CDK14: variants seen among roughly 807,000 people sequenced by gnomAD.
The protein encoded by CDK14 is cyclin dependent kinase 14.
A neutral mutation model predicts 60.7 loss-of-function variants in CDK14; 34 were observed. The observed-to-expected ratio is 0.56, with a 90% CI of 0.43 to 0.75. CDK14 has a LOEUF of 0.75. CDK14 is among the 30% of genes least tolerant of loss of function. CDK14 has a pLI of 0.00. For synonymous variants in CDK14, 197 were observed against 203.7 expected, an observed-to-expected ratio of 0.97 and a Z score of 0.28; for missense variants, 482 against 564.1, an observed-to-expected ratio of 0.85 and a Z score of 1.47.
At chr7:90,689,914 A>G (rs6956571) in intron 2 of CDK14, among the ~76,000 whole-genome samples, 60,442 of 151,998 alleles carry the variant, frequency 0.4, 12,592 homozygotes, top group East Asian at 0.67. Context: ...TGATGATATA[A>G]CAGGAAGGGA....
At chr7:91,021,301 G>T (rs1350678962) in intron 10 of CDK14, among the ~76,000 whole-genome samples, 1 of 152,194 alleles carries the variant, frequency 6.6e-6, no homozygotes, top group Non-Finnish European at 1.5e-5. Context: ...CTTAACCTCT[G>T]TGTCCCAGTT....
At chr7:91,031,448 A>G (rs1266626018) in intron 10 of CDK14, among the ~76,000 whole-genome samples, 3 of 152,200 alleles carry the variant, frequency 2.0e-5, no homozygotes, top group Non-Finnish European at 1.5e-5. Flanking sequence ...ATACAGCATT[A>G]TATCTTGTAT....
intron 12 of CDK14, 64 bp downstream of exon 12, chr7:91,079,544 C>T (rs1350398914): frequency 7.8e-6 from 9 of 1,158,870 alleles, no homozygotes; most frequent in Non-Finnish European, 1.2e-5. Context: ...CAACTCTTCT[C>T]ATACGTTTTT....
chr7:90,672,502 GTTTTTTTTTTTTTTTTTT>G lies in CDK14; in HGVS notation c.124-54048_124-54031del, dbSNP rs201978996. Among the ~76,000 whole-genome samples, 295 of 50,024 alleles carry G rather than the reference GTTTTTTTTTTTTTTTTTT, an allele frequency of 5.9e-3. 3 individuals carry two copies. Among genetic ancestry groups the G allele is most frequent in the African/African-American group, 0.022 (270 of 12,504 alleles). The allele number at this position is 50,024 out of a possible 152,430, so 32.8% of individuals were successfully genotyped here. A position where few individuals can be genotyped will look rare whatever the true frequency, so the allele number is the denominator to read the frequency against. The stretch of plus-strand genomic sequence containing the variant: ...CCTATGCATCAGTGCTTCTTCTTCT[GTTTTTTTTTTTTTTTTTT>G]TTTTTTTTTTTTTTTTAATAATTTG... On this transcript the variant is annotated intron_variant, in intron 2 of 14. Transcript: ENST00000380050.
chr7:90,886,583 G>A (rs1316080960), intron 6 of CDK14, among the ~76,000 whole-genome samples: 1 of 152,104 alleles, frequency 6.6e-6, no homozygotes, highest in African/African-American at 2.4e-5. Context: ...ACCTTCTAAT[G>A]GCAAATGGCA....
At chr7:90,674,220 G>A (rs922608129) in intron 2 of CDK14, among the ~76,000 whole-genome samples, 1 of 152,216 alleles carries the variant, frequency 6.6e-6, no homozygotes, top group Non-Finnish European at 1.5e-5. Context: ...AAAAAATGCA[G>A]CCTTTGAAGC....
chr7:90,947,532 A>G (rs1490082849), intron 8 of CDK14, among the ~76,000 whole-genome samples: 1 of 152,236 alleles, frequency 6.6e-6, no homozygotes, highest in African/African-American at 2.4e-5. Flanking sequence ...GATATAATAC[A>G]TTTAAAACCA....
At chr7:91,180,171 G>T (rs143710301) in intron 14 of CDK14, among the ~76,000 whole-genome samples, 106 of 152,252 alleles carry the variant, frequency 7.0e-4, no homozygotes, top group African/African-American at 2.3e-3. Context: ...CATGATTAAC[G>T]CAATCAGAGA....
At chr7:91,018,551 T>G (rs1169867408) in intron 10 of CDK14, among the ~76,000 whole-genome samples, 1 of 152,208 alleles carries the variant, frequency 6.6e-6, no homozygotes, top group African/African-American at 2.4e-5. Context: ...TGATATGGTT[T>G]GGCTGTGTGT....
chr7:90,735,408 C>T (rs536940134), intron 3 of CDK14, among the ~76,000 whole-genome samples: 2 of 152,308 alleles, frequency 1.3e-5, no homozygotes, highest in African/African-American at 4.8e-5. Context: ...AAGCTGCGCC[C>T]ACAGCCGCCC....
chr7:90,642,655 C>T (rs369006917), intron 2 of CDK14, among the ~76,000 whole-genome samples: 1 of 152,200 alleles, frequency 6.6e-6, no homozygotes, highest in Non-Finnish European at 1.5e-5. Context: ...GCTGGGATTA[C>T]AGGCCTGAGC....
intron 8 of CDK14, among the ~76,000 whole-genome samples, chr7:90,928,239 C>G (rs1451364962): frequency 6.6e-6 from 1 of 152,204 alleles, no homozygotes; most frequent in Non-Finnish European, 1.5e-5. Flanking sequence ...AGTCATTCTC[C>G]GTCCAGCTTT....
intron 2 of CDK14, among the ~76,000 whole-genome samples, chr7:90,654,027 A>G (rs899911826): frequency 5.3e-5 from 8 of 152,156 alleles, no homozygotes; most frequent in African/African-American, 1.9e-4. Context: ...ATAGGATTCT[A>G]TGGTGTGTAT....
chr7:90,958,873 A>G (rs1794512548), intron 9 of CDK14, among the ~76,000 whole-genome samples: 1 of 152,086 alleles, frequency 6.6e-6, no homozygotes, highest in Non-Finnish European at 1.5e-5. Context: ...TTGGTAGTTC[A>G]GTTAAGATTC....
chr7:91,141,608 G>GA (rs11375419), intron 14 of CDK14, among the ~76,000 whole-genome samples: 134,341 of 150,748 alleles, frequency 0.89, 60,105 homozygotes, highest in East Asian at 0.95. Context: ...AGTAAGGTCA[G>GA]AAAAAAAAAG....
chr7:90,709,644 T>C, intron 2 of CDK14: 1 of 1,605,184 alleles, frequency 6.2e-7, no homozygotes, highest in Non-Finnish European at 8.5e-7. Context: ...AAAAATTAGA[T>C]TTTTTGGAGA....
chr7:90,782,143 A>G, intron 4 of CDK14, among the ~76,000 whole-genome samples: 1 of 151,898 alleles, frequency 6.6e-6, no homozygotes, highest in Non-Finnish European at 1.5e-5. Context: ...ATCCCTTGTA[A>G]GTTGGATTCC....
At chr7:90,757,431 T>A (rs1341633063) in intron 4 of CDK14, among the ~76,000 whole-genome samples, 1 of 152,248 alleles carries the variant, frequency 6.6e-6, no homozygotes, top group East Asian at 1.9e-4. Context: ...AACAGTTCAA[T>A]CCATAACACT....
chr7:90,729,047 T>TTTC (rs1372810131), intron 3 of CDK14, among the ~76,000 whole-genome samples: 1 of 152,004 alleles, frequency 6.6e-6, no homozygotes, highest in African/African-American at 2.4e-5. Context: ...TTTTTTTTTT[T>TTTC]TTCATTCGGT....
Sources: gnomAD v4.1 joint callset for allele counts (sites outside exome capture counted in the v4.1 genomes callset) on GRCh38, gnomAD v4.1.1 for gene constraint, MANE v1.5 for transcripts, NCBI Gene and HGNC (gene_info 2026-07-23, HGNC 2026-07-21) for gene names.